Variants in LRP12 observed in about 807,000 individuals in gnomAD.
LRP12 encodes LDL receptor related protein 12.
LRP12 carries 14 observed loss-of-function variants against 66.0 expected under a neutral mutation model. The observed-to-expected ratio is 0.21, with a 90% CI of 0.14 to 0.33. The LOEUF (loss-of-function observed/expected upper bound fraction) is 0.33. Among genes scored for constraint, LRP12 ranks in the 10% least tolerant of loss-of-function variants. The pLI is 1.00. For synonymous variants in LRP12, 357 were observed against 359.1 expected, an observed-to-expected ratio of 0.99 and a Z score of 0.07; for missense variants, 889 against 1,053.4, an observed-to-expected ratio of 0.84 and a Z score of 2.16.
chr8:104,553,976 G>A (rs990886982), intron 1 of LRP12, among the ~76,000 whole-genome samples: 15 of 152,142 alleles, frequency 9.9e-5, no homozygotes, highest in African/African-American at 3.6e-4. Context: ...ACACTCCCCA[G>A]TACCAGGCCA....
At chr8:104,564,128 A>G (rs1351356223) in intron 1 of LRP12, among the ~76,000 whole-genome samples, 3 of 142,392 alleles carry the variant, frequency 2.1e-5, no homozygotes, top group Admixed American at 6.9e-5. Context: ...TGATCAAGTC[A>G]TGATTTTTTT....
chr8:104,561,890 T>C (rs1448469649), intron 1 of LRP12, among the ~76,000 whole-genome samples: 2 of 152,122 alleles, frequency 1.3e-5, no homozygotes, highest in African/African-American at 4.8e-5. Flanking sequence ...TGCCCTAGAA[T>C]GGAAATCAGT....
intron 1 of LRP12, among the ~76,000 whole-genome samples, chr8:104,546,971 T>A (rs180931611): frequency 3.4e-5 from 5 of 145,370 alleles, no homozygotes; most frequent in South Asian, 4.2e-4. Flanking sequence ...ATATCATATA[T>A]AATTCTATAC....
intron 6 of LRP12, among the ~76,000 whole-genome samples, chr8:104,494,338 G>C (rs534126342): frequency 3.9e-5 from 6 of 152,216 alleles, no homozygotes; most frequent in African/African-American, 1.4e-4. Flanking sequence ...ACTCCAATAA[G>C]GTGATAGACT....
At chr8:104,503,103 G>C (rs920630719) in intron 3 of LRP12, among the ~76,000 whole-genome samples, 1 of 151,956 alleles carries the variant, frequency 6.6e-6, no homozygotes, top group Non-Finnish European at 1.5e-5. Flanking sequence ...TTTATGTTTA[G>C]TGCATTTAGT....
intron 1 of LRP12, among the ~76,000 whole-genome samples, chr8:104,548,194 A>AAATATATGATATATTTATATT (rs1465623310): frequency 1.3e-5 from 1 of 79,648 alleles, no homozygotes; most frequent in African/African-American, 5.7e-5. Context: ...ATATATATAT[A>AAATATATGATATATTTATATT]AATATATGAT....
At chr8:104,550,387 C>A (rs557262243) in intron 1 of LRP12, among the ~76,000 whole-genome samples, 83 of 152,308 alleles carry the variant, frequency 5.4e-4, no homozygotes, top group African/African-American at 2.0e-3. Context: ...TTTAATTTCA[C>A]AATCACCTTA....
intron 1 of LRP12, among the ~76,000 whole-genome samples, chr8:104,575,816 C>T (rs1278956131): frequency 6.6e-6 from 1 of 151,964 alleles, no homozygotes; most frequent in African/African-American, 2.4e-5. Flanking sequence ...TGAATAGTAA[C>T]AAAGATCACT....
At chr8:104,559,908 C>T (rs1415528749) in intron 1 of LRP12, among the ~76,000 whole-genome samples, 1 of 152,074 alleles carries the variant, frequency 6.6e-6, no homozygotes, top group African/African-American at 2.4e-5. Flanking sequence ...ATACTATGTA[C>T]TTTCCCAAAT....
At chr8:104,522,812 A>G (rs1811171993) in intron 2 of LRP12, among the ~76,000 whole-genome samples, 1 of 152,042 alleles carries the variant, frequency 6.6e-6, no homozygotes, top group South Asian at 2.1e-4. Context: ...CGATGTTACA[A>G]CTCCAGGCCA....
chr8:104,552,140 C>T (rs1458119351), intron 1 of LRP12, among the ~76,000 whole-genome samples: 2 of 152,200 alleles, frequency 1.3e-5, no homozygotes, highest in Non-Finnish European at 2.9e-5. Context: ...TTTATTATCA[C>T]TGTCTTTCAA....
rs1033857618 is a variant in LRP12 at position 104,502,209 on chromosome 8, T to A, written c.273-2690A>T. Among the ~76,000 whole-genome samples the A allele has an allele frequency of 1.3e-4, 20 of 152,294 alleles. No homozygotes were observed. The South Asian group carries it at 1.7e-3, about 13-fold the overall frequency. On this transcript the variant is annotated intron_variant, in intron 3 of 6. Coordinates refer to ENST00000276654, the MANE Select transcript of LRP12 (RefSeq NM_013437.5). Reference sequence around the variant, plus strand: ...GGACACTGTCTTTACTTGTAAAGTATGACACACAGAGTTTCATTAAAAATC... The same window carrying A: ...GGACACTGTCTTTACTTGTAAAGTAAGACACACAGAGTTTCATTAAAAATC...
At chr8:104,548,122 A>AT (rs1359250148) in intron 1 of LRP12, among the ~76,000 whole-genome samples, 1 of 104,448 alleles carries the variant, frequency 9.6e-6, no homozygotes, top group East Asian at 2.4e-4. Flanking sequence ...TATATTTTGT[A>AT]TATAATATAT....
chr8:104,549,758 A>G (rs1260829841), intron 1 of LRP12, among the ~76,000 whole-genome samples: 1 of 152,180 alleles, frequency 6.6e-6, no homozygotes, highest in Non-Finnish European at 1.5e-5. Context: ...GTATCACTGT[A>G]AATTCATGGT....
Position 104,490,051 on chromosome 8 carries a change from A to T in LRP12, c.*622T>A, listed in dbSNP as rs1026355395. 2 of 152,630 alleles carry T rather than the reference A, an allele frequency of 1.3e-5. No homozygotes were observed. Among genetic ancestry groups the T allele is most frequent in the Non-Finnish European group, 2.9e-5 (2 of 68,030 alleles). 9.5% of individuals were successfully genotyped at this position (152,630 alleles called of 1,614,324 possible). On this transcript the variant is annotated 3_prime_UTR_variant, in exon 7 of 7. Transcript: ENST00000276654. Reference sequence around the variant, plus strand: ...CAACATTAGAAAATCTTTATAAAAGAGTTTTGTTTTTGCCAGTAATTTATC... The same window carrying T: ...CAACATTAGAAAATCTTTATAAAAGTGTTTTGTTTTTGCCAGTAATTTATC...
intron 2 of LRP12, among the ~76,000 whole-genome samples, chr8:104,510,916 G>A (rs1810983836): frequency 6.6e-6 from 1 of 151,540 alleles, no homozygotes; most frequent in African/African-American, 2.4e-5. Flanking sequence ...CAAAATGACT[G>A]GTATAAAACA....
intron 3 of LRP12, chr8:104,507,020 A>ATACTT (rs1363383223): frequency 6.6e-6 from 1 of 152,188 alleles, no homozygotes; most frequent in Non-Finnish European, 1.5e-5. Flanking sequence ...AGATAATCAT[A>ATACTT]TACTTTTTCT....
chr8:104,503,232 C>T (rs189309322), intron 3 of LRP12, among the ~76,000 whole-genome samples: 16 of 142,328 alleles, frequency 1.1e-4, no homozygotes, highest in Admixed American at 1.5e-4. Context: ...GAGGCTGAGG[C>T]GGGAGAACTG....
At chr8:104,501,134 T>G in intron 3 of LRP12, among the ~76,000 whole-genome samples, 1 of 152,194 alleles carries the variant, frequency 6.6e-6, no homozygotes, top group Non-Finnish European at 1.5e-5. Flanking sequence ...CTCTACATAT[T>G]ATAAACATGA....
Sources: allele counts gnomAD v4.1 joint callset (sites outside exome capture counted in the v4.1 genomes callset), GRCh38; gene constraint gnomAD v4.1.1; transcripts MANE v1.5; gene names NCBI Gene and HGNC (gene_info 2026-07-23, HGNC 2026-07-21).